LRMDA: variants seen among roughly 807,000 people sequenced by gnomAD.
LRMDA encodes leucine rich melanocyte differentiation associated, also known as leucine-rich melanocyte differentiation-associated protein.
LRMDA carries 18 observed loss-of-function variants against 29.8 expected under a neutral mutation model. The ratio of observed to expected loss-of-function variants is 0.60; its 90% CI spans 0.42 to 0.90. The LOEUF is 0.90. Among genes scored for constraint, LRMDA ranks in the 40% least tolerant of loss-of-function variants. The probability of loss-of-function intolerance (pLI) is 0.00; values close to 1 mark genes in which losing one functional copy is unlikely to be tolerated. For missense variants in LRMDA, 273 were observed against 273.9 expected, an observed-to-expected ratio of 1.00 and a Z score of 0.02; for synonymous variants, 125 against 109.4, an observed-to-expected ratio of 1.14 and a Z score of -0.89.
intron 6 of LRMDA, among the ~76,000 whole-genome samples, chr10:76,516,450 C>T (rs558836917): frequency 1.3e-5 from 2 of 152,104 alleles, no homozygotes; most frequent in East Asian, 1.9e-4. Context: ...CCCATTAACT[C>T]GTCATTTAGC....
intron 2 of LRMDA, among the ~76,000 whole-genome samples, chr10:75,924,416 C>T (rs1846082822): frequency 6.6e-6 from 1 of 152,176 alleles, no homozygotes; most frequent in Non-Finnish European, 1.5e-5. Flanking sequence ...CAATGGATAT[C>T]AGCAGAAAGT....
rs991824949 is a variant in LRMDA, at chr10:76,380,796, T to C, written c.601+56311T>C. Among the ~76,000 whole-genome samples the C allele has an allele frequency of 9.9e-5, 15 of 152,004 alleles. No homozygotes were observed. In the East Asian group the frequency reaches 1.9e-3, roughly 20 times the overall value. ...AGAGGACAGAAACATTACTGTAATA[T>C]TTTTCTCACACATATTATTTGTTTA... On this transcript the variant is annotated intron_variant, in intron 6 of 6. Coordinates refer to ENST00000611255, the MANE Select transcript of LRMDA (RefSeq NM_001305581.2).
chr10:76,226,582 T>A (rs1851962548), intron 5 of LRMDA, among the ~76,000 whole-genome samples: 1 of 152,054 alleles, frequency 6.6e-6, no homozygotes, highest in South Asian at 2.1e-4. Flanking sequence ...AAACTCCATC[T>A]GCAAAAAAGA....
chr10:76,256,004 T>C (rs1852587356), intron 5 of LRMDA, among the ~76,000 whole-genome samples: 1 of 152,220 alleles, frequency 6.6e-6, no homozygotes. Flanking sequence ...TCTAATTCTA[T>C]GGCTCATTGT....
At chr10:75,562,449 G>C (rs958441061) in intron 2 of LRMDA, among the ~76,000 whole-genome samples, 2 of 152,066 alleles carry the variant, frequency 1.3e-5, no homozygotes, top group Non-Finnish European at 2.9e-5. Flanking sequence ...TGGGTTTCCT[G>C]AATACAGCAT....
intron 2 of LRMDA, among the ~76,000 whole-genome samples, chr10:75,536,094 C>T (rs538775080): frequency 6.6e-6 from 1 of 152,218 alleles, no homozygotes; most frequent in South Asian, 2.1e-4. Flanking sequence ...TCGCTCTGTT[C>T]CTCTCCCACC....
intron 5 of LRMDA, among the ~76,000 whole-genome samples, chr10:76,173,620 A>G (rs1322626149): frequency 6.6e-6 from 1 of 152,242 alleles, no homozygotes; most frequent in African/African-American, 2.4e-5. Flanking sequence ...GATACAAACT[A>G]TCAAACTCCT....
intron 6 of LRMDA, among the ~76,000 whole-genome samples, chr10:76,445,140 A>G (rs1465952971): frequency 6.6e-6 from 1 of 152,150 alleles, no homozygotes; most frequent in Non-Finnish European, 1.5e-5. Context: ...TAACTATCCC[A>G]GGAATGCCTA....
chr10:76,544,957 A>G (rs902022205), intron 6 of LRMDA, among the ~76,000 whole-genome samples: 5 of 152,128 alleles, frequency 3.3e-5, no homozygotes, highest in Non-Finnish European at 5.9e-5. Context: ...CTTTTCAGAG[A>G]AAGCAATTTA....
intron 6 of LRMDA, among the ~76,000 whole-genome samples, chr10:76,416,425 T>C (rs185165484): frequency 2.2e-4 from 34 of 152,326 alleles, no homozygotes; most frequent in African/African-American, 7.0e-4. Flanking sequence ...TCTAACTTCT[T>C]TAAGCTTTTT....
intron 6 of LRMDA, among the ~76,000 whole-genome samples, chr10:76,380,462 GA>G (rs1841575899): frequency 6.6e-6 from 1 of 152,164 alleles, no homozygotes; most frequent in African/African-American, 2.4e-5. Context: ...AAGGTCAGGA[GA>G]TCGAGACCAT....
chr10:75,489,256 G>A (rs1401228214), intron 2 of LRMDA, among the ~76,000 whole-genome samples: 1 of 148,722 alleles, frequency 6.7e-6, no homozygotes, highest in Non-Finnish European at 1.5e-5. Flanking sequence ...AATTTCACTA[G>A]CTGAGGATGA....
At chr10:76,045,321 T>C (rs954454730) in intron 3 of LRMDA, among the ~76,000 whole-genome samples, 8 of 150,296 alleles carry the variant, frequency 5.3e-5, no homozygotes, top group African/African-American at 1.5e-4. Context: ...CCTCTCTTGC[T>C]AGTTTCCCCC....
intron 2 of LRMDA, among the ~76,000 whole-genome samples, chr10:75,565,510 G>C (rs1239027318): frequency 1.3e-5 from 2 of 152,188 alleles, no homozygotes; most frequent in African/African-American, 4.8e-5. Flanking sequence ...CATTTTCAAA[G>C]ATAAAGTCTG....
chr10:75,717,029 C>A (rs542800113), intron 2 of LRMDA, among the ~76,000 whole-genome samples: 2 of 152,280 alleles, frequency 1.3e-5, no homozygotes, highest in East Asian at 3.9e-4. Flanking sequence ...TAATATCTCA[C>A]CAGCCACCCC....
intron 5 of LRMDA, among the ~76,000 whole-genome samples, chr10:76,149,852 T>C (rs1028987472): frequency 6.6e-6 from 1 of 152,170 alleles, no homozygotes; most frequent in Non-Finnish European, 1.5e-5. Context: ...CAGGGATTAA[T>C]TGATCAGATC....
chr10:75,665,893 C>T (rs968851278), intron 2 of LRMDA, among the ~76,000 whole-genome samples: 1 of 152,094 alleles, frequency 6.6e-6, no homozygotes, highest in Non-Finnish European at 1.5e-5. Context: ...TGTTTCTTGT[C>T]CTGTGGATAC....
chr10:76,455,715 G>A (rs1363570014), intron 6 of LRMDA, among the ~76,000 whole-genome samples: 47 of 152,274 alleles, frequency 3.1e-4, no homozygotes, highest in Non-Finnish European at 5.9e-5. Flanking sequence ...TAGAGTTTGT[G>A]GCCCATTGTC....
intron 2 of LRMDA, among the ~76,000 whole-genome samples, chr10:76,006,983 C>CGCGT (rs1847674563): frequency 1.7e-5 from 2 of 116,208 alleles, no homozygotes; most frequent in African/African-American, 3.6e-5. Context: ...ATGGAGAAGG[C>CGCGT]GTGTGTGTGT....
Sources: gnomAD v4.1 joint callset for allele counts (sites outside exome capture counted in the v4.1 genomes callset) on GRCh38, gnomAD v4.1.1 for gene constraint, MANE v1.5 for transcripts, NCBI Gene and HGNC (gene_info 2026-07-23, HGNC 2026-07-21) for gene names.